The following JAK2 variants were observed in gnomAD, a reference collection of about 807,000 sequenced individuals.
The protein encoded by JAK2 is Janus kinase 2, also known as tyrosine-protein kinase JAK2.
Under a neutral mutation model 139.3 loss-of-function variants are expected in JAK2, and 86 were observed. The observed-to-expected ratio is 0.62, with a 90% CI of 0.52 to 0.74. The LOEUF (loss-of-function observed/expected upper bound fraction) is 0.74. Ranked by LOEUF, JAK2 falls within the 30% of genes least tolerant of loss-of-function variation. JAK2 has a pLI of 0.00. For synonymous variants in JAK2, 490 were observed against 437.7 expected, an observed-to-expected ratio of 1.12 and a Z score of -1.49; for missense variants, 1,421 against 1,360.3, an observed-to-expected ratio of 1.04 and a Z score of -0.70.
intron 2 of JAK2, among the ~76,000 whole-genome samples, chr9:4,997,249 C>G (rs1820627581): frequency 6.6e-6 from 1 of 152,158 alleles, no homozygotes; most frequent in African/African-American, 2.4e-5. Context: ...TCTGTTCTTG[C>G]ATTGCTATAA....
rs1226920029 is a variant in JAK2, at chr9:5,112,768, C to T, written c.3060-10236C>T. On this transcript the variant is annotated intron_variant, in intron 22 of 24. Transcript: ENST00000381652. ...AACGGCGAGAAGAGAAGGTGTCGCG[C>T]GTGTTCGGAGGCCCCCAGATGGTGC... The T allele has an allele frequency of 1.5e-5, 9 of 612,868 alleles. No individual in the cohort carries two copies. In the South Asian group the frequency reaches 3.3e-4, roughly 22 times the overall value. The allele number at this position is 612,868 out of a possible 1,614,324, so 38.0% of individuals were successfully genotyped here. A position where few individuals can be genotyped will look rare whatever the true frequency, so the allele number is the denominator to read the frequency against.
intron 22 of JAK2, among the ~76,000 whole-genome samples, chr9:5,103,258 A>G (rs1232195370): frequency 1.6e-5 from 2 of 125,020 alleles, no homozygotes; most frequent in African/African-American, 6.1e-5. Context: ...AAAAAAAAGC[A>G]GGAGTTGCAA....
chr9:5,052,489 T>G (rs1817486408), intron 6 of JAK2, among the ~76,000 whole-genome samples: 2 of 152,120 alleles, frequency 1.3e-5, no homozygotes, highest in Non-Finnish European at 1.5e-5. Flanking sequence ...AAGAGTTTAT[T>G]GAGATAATTT....
intron 2 of JAK2, among the ~76,000 whole-genome samples, chr9:4,989,206 C>T (rs573685524): frequency 3.3e-5 from 5 of 152,288 alleles, no homozygotes; most frequent in African/African-American, 1.2e-4. Flanking sequence ...ATCTCTAGTC[C>T]TTAAGCTTGT....
intron 2 of JAK2, among the ~76,000 whole-genome samples, chr9:4,995,452 T>C (rs2129767393): frequency 6.6e-6 from 1 of 152,372 alleles, no homozygotes; most frequent in Non-Finnish European, 1.5e-5. Context: ...AGATATAAGA[T>C]GGGACGCAAC....
intron 22 of JAK2, among the ~76,000 whole-genome samples, chr9:5,117,764 C>T (rs373617221): frequency 9.2e-5 from 14 of 151,738 alleles, no homozygotes; most frequent in African/African-American, 3.4e-4. Flanking sequence ...TTTTGGCAAC[C>T]TCAGTAATTT....
rs1037047099 is a variant in JAK2 at position 5,036,098 on chromosome 9, G to T, written c.350+6192G>T. The stretch of plus-strand genomic sequence containing the variant: ...CTTACCCACCAATAACAGACAAACA[G>T]AGAGCCAAATCATGAGTGAACTCCC... On this transcript the variant is annotated intron_variant, in intron 4 of 24. Transcript: ENST00000381652. Among the ~76,000 whole-genome samples the T allele has an allele frequency of 2.6e-5, 4 of 152,246 alleles. No individual in the cohort carries two copies. In the South Asian group the frequency reaches 8.3e-4, roughly 32 times the overall value.
rs548547253 is a variant in JAK2 at position 5,077,608 on chromosome 9, G to T, written c.1992+28G>T. 5.0e-6 allele frequency: 7 copies of T among 1,393,818 alleles called. No homozygotes were observed. In the East Asian group the frequency reaches 8.2e-5, roughly 16 times the overall value. The allele number at this position is 1,393,818 out of a possible 1,614,324, so 86.3% of individuals were successfully genotyped here. On this transcript the variant is annotated intron_variant, in intron 15 of 24. Transcript: ENST00000381652. ...AAGTAGTACAACCTTTTTATCAAAA[G>T]ATACTATTTTATTTTATAAAACAAT... is the stretch of plus-strand genomic sequence containing the variant.
rs947028371 is a variant in JAK2 at position 5,072,461 on chromosome 9, C to G, written c.1642-31C>G. ...TCCTACTTCGTTCTCCATCTTTACT[C>G]ATTCTTTTCTTTTACCTTTTTCTCT... is the stretch of plus-strand genomic sequence containing the variant. On this transcript the variant is annotated intron_variant, in intron 12 of 24. Transcript: ENST00000381652. 57 of 1,483,914 alleles carry G rather than the reference C, an allele frequency of 3.8e-5. 1 individual carries two copies. Among genetic ancestry groups the G allele is most frequent in the Non-Finnish European group, 8.1e-6 (9 of 1,108,250 alleles). The allele number at this position is 1,483,914 out of a possible 1,614,324, so 91.9% of individuals were successfully genotyped here.
intron 5 of JAK2, among the ~76,000 whole-genome samples, chr9:5,044,822 C>G (rs971642377): frequency 7.2e-5 from 11 of 152,132 alleles, no homozygotes; most frequent in Admixed American, 1.3e-4. Context: ...CAACATGATT[C>G]ATGTAGACAT....
intron 22 of JAK2, among the ~76,000 whole-genome samples, chr9:5,103,722 A>T (rs555414101): frequency 3.9e-5 from 6 of 152,232 alleles, no homozygotes; most frequent in Non-Finnish European, 8.8e-5. Flanking sequence ...ACTGGCTCTC[A>T]GAGCACAGTG....
intron 10 of JAK2, among the ~76,000 whole-genome samples, chr9:5,068,788 C>T (rs1344174975): frequency 6.6e-6 from 1 of 152,114 alleles, no homozygotes; most frequent in East Asian, 1.9e-4. Flanking sequence ...ATTATCATTG[C>T]CTTCTTACAT....
intron 4 of JAK2, chr9:5,041,007 C>G: frequency 1.5e-6 from 1 of 655,380 alleles, no homozygotes; most frequent in South Asian, 1.5e-5. Flanking sequence ...AGTTCCGGAC[C>G]CCGCAGCTGC....
At position 5,055,686 on chromosome 9, in the gene JAK2, C is replaced by T. The variant is rs1480230972; in HGVS notation, c.954C>T (p.Cys318=). 3.2e-6 allele frequency: 5 copies of T among 1,576,032 alleles called. No homozygotes were observed. Among genetic ancestry groups the T allele is most frequent in the African/African-American group, 1.4e-5 (1 of 73,976 alleles). Residue 318 remains cysteine, a synonymous_variant, in exon 8 of 25, where the codon TGC becomes TGT. Coordinates refer to ENST00000381652, the MANE Select transcript of JAK2 (RefSeq NM_004972.4). ...TLTEQDLQLY[C]DFPNIIDVSI... The stretch of plus-strand genomic sequence containing the variant: ...AATTATAGGATTTACAGTTATATTG[C>T]GATTTTCCTAATATTATTGATGTCA...
At chr9:5,081,604 T>C (rs1244357825) in intron 18 of JAK2, 121 bp from the exon 19 acceptor site, 1 of 639,318 alleles carries the variant, frequency 1.6e-6, no homozygotes, top group African/African-American at 1.8e-5. Context: ...ACTATTTGAG[T>C]TTCCCTGTAT....
intron 22 of JAK2, among the ~76,000 whole-genome samples, chr9:5,116,327 G>A (rs1031397239): frequency 2.0e-5 from 3 of 152,094 alleles, no homozygotes; most frequent in African/African-American, 7.2e-5. Context: ...GGCATTAATT[G>A]TTCTCTAATT....
At chr9:4,997,721 G>T (rs1820663307) in intron 2 of JAK2, among the ~76,000 whole-genome samples, 2 of 152,154 alleles carry the variant, frequency 1.3e-5, no homozygotes, top group South Asian at 4.1e-4. Flanking sequence ...GGTTTGATAT[G>T]GAAAGATTCA....
In JAK2 at chr9:5,129,474, CATGAAAGTTTCTCTAATATTTCTA is replaced by C. The variant is rs1273081783; in HGVS notation, c.*2701_*2724del. Among the ~76,000 whole-genome samples the C allele has an allele frequency of 6.6e-6, 1 of 152,040 alleles. No homozygotes were observed. The highest frequency in any genetic ancestry group is 2.4e-5 in the African/African-American group (1 of 41,414). ...TAATTCTTGTACTGAAATTATTTCT[CATGAAAGTTTCTCTAATATTTCTA>C]ATGAAAGTTTCTCTAATTTGGGGGC... On this transcript the variant is annotated 3_prime_UTR_variant, in exon 25 of 25. Transcript: ENST00000381652.
chr9:5,096,187 C>T lies in JAK2; in HGVS notation c.3059+5276C>T, dbSNP rs148225276. Among the ~76,000 whole-genome samples the T allele has an allele frequency of 4.5e-3, 681 of 152,210 alleles. 8 individuals are homozygous for T. Among genetic ancestry groups the T allele is most frequent in the African/African-American group, 0.016 (653 of 41,526 alleles). The stretch of plus-strand genomic sequence containing the variant: ...AAAATGACAATTCAAAAACACAAAA[C>T]CCATATTACTCCTCCCTCCACTTAT... On this transcript the variant is annotated intron_variant, in intron 22 of 24. Transcript: ENST00000381652.
Sources: gnomAD v4.1 joint callset for allele counts (sites outside exome capture counted in the v4.1 genomes callset) on GRCh38, gnomAD v4.1.1 for gene constraint, MANE v1.5 for transcripts, NCBI Gene and HGNC (gene_info 2026-07-23, HGNC 2026-07-21) for gene names.